The following NPNT variants were observed in gnomAD, a reference collection of about 807,000 sequenced individuals.
The protein encoded by NPNT is preosteoblast EGF-like repeat protein with MAM domain.
In NPNT, 45 loss-of-function variants were observed where a neutral mutation model predicts 68.6. The ratio of observed to expected loss-of-function variants is 0.66; its 90% CI spans 0.52 to 0.84. NPNT has a LOEUF of 0.84. NPNT is among the 40% of genes least tolerant of loss of function. NPNT has a pLI of 0.00. For missense variants in NPNT, 672 were observed against 714.8 expected (o/e 0.94, Z 0.68); for synonymous variants, 233 against 253.3 (o/e 0.92, Z 0.76).
intron 8 of NPNT, among the ~76,000 whole-genome samples, chr4:105,957,007 A>G (rs1298425049): frequency 6.6e-6 from 1 of 152,262 alleles, no homozygotes; most frequent in Non-Finnish European, 1.5e-5. Flanking sequence ...TAAAAACAAT[A>G]GGAACATCGT....
At position 105,940,607 on chromosome 4, in the gene NPNT, G is replaced by C. The variant is rs141847563; in HGVS notation, c.734G>C (p.Gly245Ala). 2,102 of 1,613,446 alleles carry C rather than the reference G, an allele frequency of 1.3e-3. 14 individuals carry two copies. The highest frequency in any genetic ancestry group is 1.5e-3 in the Middle Eastern group (9 of 6,056). The change falls in exon 7 of 12, where the codon GGA becomes GCA. Residue 245 changes from glycine to alanine, a missense_variant. Gly to Ala is a moderately conservative substitution (Grantham distance 60). Coordinates refer to ENST00000379987, the MANE Select transcript of NPNT (RefSeq NM_001033047.3). ...RGSYKCKCKE[G>A]YQGDGLTCVY... is the part of the protein sequence containing the mutation. ...TCCTACAAGTGCAAATGTAAAGAAG[G>C]ATACCAGGGTGATGGACTGACTTGT... is the stretch of plus-strand genomic sequence containing the variant.
chr4:105,937,656 T>C (rs1323029309), intron 4 of NPNT, among the ~76,000 whole-genome samples: 2 of 152,228 alleles, frequency 1.3e-5, no homozygotes, highest in African/African-American at 4.8e-5. Context: ...AAAAAATAAA[T>C]GAATATGATA....
At chr4:105,934,846 A>T (rs755512104) in intron 3 of NPNT, among the ~76,000 whole-genome samples, 6 of 152,038 alleles carry the variant, frequency 3.9e-5, no homozygotes, top group Admixed American at 6.6e-5. Context: ...TGCTTTTGCC[A>T]TGGGAACGGA....
At chr4:105,950,953 C>T (rs1045688129) in intron 8 of NPNT, among the ~76,000 whole-genome samples, 1 of 152,150 alleles carries the variant, frequency 6.6e-6, no homozygotes, top group Non-Finnish European at 1.5e-5. Flanking sequence ...ACACAAATTA[C>T]AAGGGGATCT....
Position 105,898,369 on chromosome 4 carries a change from TCTCTCTCTCTC to T in NPNT, c.172+369_172+379del, listed in dbSNP as rs1560882023. Reference sequence around the variant, plus strand: ...CTCTCTCTCTCTCTCTCTCTCTCTCTCTCTCTCTCTCGCTGACTCGCTTGCTCCAGGCTGGG... The same window carrying T: ...CTCTCTCTCTCTCTCTCTCTCTCTCTGCTGACTCGCTTGCTCCAGGCTGGG... On this transcript the variant is annotated intron_variant, in intron 2 of 11. Transcript: ENST00000379987. Among the ~76,000 whole-genome samples, 180 of 128,890 alleles carry T rather than the reference TCTCTCTCTCTC, an allele frequency of 1.4e-3. 1 individual carries two copies. The highest frequency in any genetic ancestry group is 6.1e-3 in the African/African-American group (164 of 26,848). 84.6% of individuals were successfully genotyped at this position (128,890 alleles called of 152,430 possible). A position where few individuals can be genotyped will look rare whatever the true frequency, so the allele number is the denominator to read the frequency against.
chr4:105,938,786 G>A (rs1729701948), intron 5 of NPNT, among the ~76,000 whole-genome samples: 1 of 152,164 alleles, frequency 6.6e-6, no homozygotes, highest in Non-Finnish European at 1.5e-5. Context: ...TTGTTCTTCA[G>A]GCCTCAGATT....
intron 2 of NPNT, among the ~76,000 whole-genome samples, chr4:105,900,962 T>C (rs998886052): frequency 2.0e-5 from 3 of 152,108 alleles, no homozygotes; most frequent in African/African-American, 7.2e-5. Flanking sequence ...ACTATTGATG[T>C]GGCTGTTTAT....
intron 10 of NPNT, among the ~76,000 whole-genome samples, chr4:105,965,186 A>G (rs1732019085): frequency 6.6e-6 from 1 of 152,160 alleles, no homozygotes; most frequent in East Asian, 1.9e-4. Context: ...AGATATTGTG[A>G]TACTGTAAAC....
intron 10 of NPNT, among the ~76,000 whole-genome samples, chr4:105,964,362 T>C (rs1731956828): frequency 6.6e-6 from 1 of 152,220 alleles, no homozygotes; most frequent in Non-Finnish European, 1.5e-5. Flanking sequence ...AATAACCCTA[T>C]ACATTCATTA....
At chr4:105,915,804 C>T (rs1314941713) in intron 2 of NPNT, among the ~76,000 whole-genome samples, 1 of 152,154 alleles carries the variant, frequency 6.6e-6, no homozygotes, top group African/African-American at 2.4e-5. Context: ...CTGAACAGAA[C>T]ACAGGCTATG....
intron 5 of NPNT, among the ~76,000 whole-genome samples, 161 bp downstream of exon 5, chr4:105,938,581 A>G (rs1729684725): frequency 2.0e-5 from 3 of 152,240 alleles, no homozygotes; most frequent in Non-Finnish European, 4.4e-5. Context: ...ATCTCTGTGA[A>G]TGGATAATGG....
chr4:105,932,662 T>G, intron 3 of NPNT: 1 of 1,536,048 alleles, frequency 6.5e-7, no homozygotes, highest in Non-Finnish European at 8.7e-7. Context: ...CAGCCTCTTT[T>G]CCAACCCCTG....
intron 8 of NPNT, among the ~76,000 whole-genome samples, chr4:105,948,116 G>GT (rs1376404095): frequency 2.6e-5 from 4 of 151,578 alleles, no homozygotes; most frequent in African/African-American, 4.8e-5. Context: ...TCAGATTATG[G>GT]TTTTTTTTCT....
intron 8 of NPNT, among the ~76,000 whole-genome samples, chr4:105,944,549 A>G (rs1196582569): frequency 1.3e-5 from 2 of 152,206 alleles, no homozygotes; most frequent in African/African-American, 2.4e-5. Flanking sequence ...TAAAAATGAC[A>G]TTGAAGTTCA....
At chr4:105,914,480 T>TATAGAGAG (rs1727639167) in intron 2 of NPNT, among the ~76,000 whole-genome samples, 1 of 137,298 alleles carries the variant, frequency 7.3e-6, no homozygotes, top group African/African-American at 2.7e-5. Flanking sequence ...ATTATATATA[T>TATAGAGAG]AGAGAGAGAG....
intron 8 of NPNT, among the ~76,000 whole-genome samples, chr4:105,944,349 G>T (rs1462848320): frequency 6.6e-6 from 1 of 151,952 alleles, no homozygotes; most frequent in Admixed American, 6.6e-5. Flanking sequence ...AGTAATTATG[G>T]TATTTACATT....
In NPNT at chr4:105,937,165, G is replaced by T. The variant is rs754958344; in HGVS notation, c.385+37G>T. ...ATCTTAACTGTTTTATAAGTGCTTT[G>T]GGCTTGTTTCTGTTGTGCTCTGAGA... On this transcript the variant is annotated intron_variant, in intron 4 of 11. Transcript: ENST00000379987. The T allele has an allele frequency of 1.9e-6, 3 of 1,608,678 alleles. No homozygotes were observed. In the South Asian group the frequency reaches 3.3e-5, roughly 18 times the overall value.
Position 105,934,945 on chromosome 4 carries a change from C to T in NPNT, c.266-2064C>T, listed in dbSNP as rs576677630. 4.6e-5 allele frequency among the ~76,000 whole-genome samples: 7 copies of T among 152,300 alleles called. No homozygotes were observed. The East Asian group carries it at 1.4e-3, about 29-fold the overall frequency. ...ACTACCATAGCAATCCTAAGGGGCC[C>T]TTTATTGGCCCAGACTGGAGCCAAA... is the stretch of plus-strand genomic sequence containing the variant. On this transcript the variant is annotated intron_variant, in intron 3 of 11. Transcript: ENST00000379987.
intron 7 of NPNT, among the ~76,000 whole-genome samples, 171 bp downstream of exon 7, chr4:105,940,807 G>A (rs1729886769): frequency 6.6e-6 from 1 of 152,162 alleles, no homozygotes; most frequent in Non-Finnish European, 1.5e-5. Context: ...TCAGGTACTT[G>A]TAAAAACTAA....
Sources: gnomAD v4.1 joint callset for allele counts (sites outside exome capture counted in the v4.1 genomes callset) on GRCh38, gnomAD v4.1.1 for gene constraint, MANE v1.5 for transcripts, NCBI Gene and HGNC (gene_info 2026-07-23, HGNC 2026-07-21) for gene names.